Variants in RAB35 observed in about 807,000 individuals in gnomAD.
RAB35 encodes ras-related protein Rab-35.
A neutral mutation model predicts 28.9 loss-of-function variants in RAB35; 4 were observed. The observed-to-expected ratio is 0.14, with a 90% confidence interval of 0.07 to 0.32. The LOEUF is 0.32. Ranked by LOEUF, RAB35 falls within the 10% of genes least tolerant of loss-of-function variation. The pLI is 1.00. For missense variants in RAB35, 128 were observed against 274.0 expected, an observed-to-expected ratio of 0.47 and a Z score of 3.76; for synonymous variants, 99 against 105.1, an observed-to-expected ratio of 0.94 and a Z score of 0.35.
In RAB35 at chr12:120,097,092, G is replaced by A. The variant is rs1315931795; in HGVS notation, c.*153C>T. On this transcript the variant is annotated 3_prime_UTR_variant, in exon 6 of 6. Transcript: ENST00000229340. Reference sequence around the variant, plus strand: ...CCTTCTTGGCACTCGAGGAGGGCGGGGGAGGAAGTGCCGATGGCACCTCCC... The same window carrying A: ...CCTTCTTGGCACTCGAGGAGGGCGGAGGAGGAAGTGCCGATGGCACCTCCC... The A allele has an allele frequency of 6.4e-7, 1 of 1,573,554 alleles. No individual in the cohort carries two copies. The highest frequency in any genetic ancestry group is 2.3e-5 in the East Asian group (1 of 43,130).
At chr12:120,107,163 ATT>A (rs1225156950) in intron 2 of RAB35, among the ~76,000 whole-genome samples, 1 of 150,604 alleles carries the variant, frequency 6.6e-6, no homozygotes, top group Non-Finnish European at 1.5e-5. Context: ...TAATTTTTGT[ATT>A]TTTAGTAGAG....
rs1360543827 is a variant in RAB35, at chr12:120,096,951, A to C, written c.*294T>G. On this transcript the variant is annotated 3_prime_UTR_variant, in exon 6 of 6. Transcript: ENST00000229340. ...GGTGTGCGGCCGGGTAGAGCAATAT[A>C]CACTATGTACAGACTCTGCGAATCA... 2.1e-6 allele frequency: 3 copies of C among 1,405,690 alleles called. No individual in the cohort carries two copies. The highest frequency in any genetic ancestry group is 4.3e-5 in the Admixed American group (2 of 46,834). The allele number at this position is 1,405,690 out of a possible 1,614,324, so 87.1% of individuals were successfully genotyped here.
In RAB35 at chr12:120,103,961, G is replaced by C. The variant is rs1334540107; in HGVS notation, c.104-12C>G. ...GGTGATGTAGCTGCCTGCACACACA[G>C]GGCAGTTAACGAGGCCCAGCGCGGT... On this transcript the variant is annotated splice_polypyrimidine_tract_variant and intron_variant, in intron 2 of 5. Transcript: ENST00000229340. This position sits in a 1 kb window ranked among gnomAD's most constrained non-coding sequence, Gnocchi z 6.1. The C allele has an allele frequency of 6.8e-6, 11 of 1,613,742 alleles. No individual in the cohort carries two copies. Among genetic ancestry groups the C allele is most frequent in the South Asian group, 1.1e-5 (1 of 91,072 alleles).
At chr12:120,104,388 G>C (rs1875784380) in intron 2 of RAB35, among the ~76,000 whole-genome samples, 2 of 152,150 alleles carry the variant, frequency 1.3e-5, no homozygotes, top group African/African-American at 4.8e-5. Flanking sequence ...TAGGTCATGA[G>C]CTGCAGTCTG....
chr12:120,105,078 T>A (rs930747964), intron 2 of RAB35, among the ~76,000 whole-genome samples: 1 of 151,926 alleles, frequency 6.6e-6, no homozygotes, highest in Non-Finnish European at 1.5e-5. Context: ...ACACACACAA[T>A]TATGTGAAAT....
rs1011077768 is a variant in RAB35 at position 120,102,753 on chromosome 12, G to T, written c.227+1073C>A. ...AGGGGCAGCCAGCCTGGGGAGTGCC[G>T]GGCTTTCATGCTGTGGGAAGGAAGG... On this transcript the variant is annotated intron_variant, in intron 3 of 5. Coordinates refer to ENST00000229340, the MANE Select transcript of RAB35 (RefSeq NM_006861.7). 3.3e-5 allele frequency among the ~76,000 whole-genome samples: 5 copies of T among 152,156 alleles called. No homozygotes were observed. The East Asian group carries it at 9.6e-4, about 29-fold the overall frequency.
At chr12:120,107,530 C>A (rs1021791993) in intron 2 of RAB35, among the ~76,000 whole-genome samples, 1 of 152,090 alleles carries the variant, frequency 6.6e-6, no homozygotes, top group African/African-American at 2.4e-5. Flanking sequence ...AGTGCATACA[C>A]CCTGTAAGCC....
rs1875458869 is a variant in RAB35 at position 120,097,292 on chromosome 12, C to T, written c.559G>A (p.Val187Met). ...AKQQQQQQND[V>M]VKLTKNSKRK... ...TTACTGTTCTTCGTGAGCTTCACCA[C>T]ATCGTTCTGTTGTTGCTGCTGCTGT... The change falls in exon 6 of 6, where the codon GTG becomes ATG. Residue 187 changes from valine to methionine, a missense_variant. Transcript: ENST00000229340. The T allele has an allele frequency of 6.2e-7, 1 of 1,613,876 alleles. No individual in the cohort carries two copies. Among genetic ancestry groups the T allele is most frequent in the African/African-American group, 1.3e-5 (1 of 74,924 alleles).
At chr12:120,115,916 C>A (rs1297898365) in intron 1 of RAB35, among the ~76,000 whole-genome samples, 1 of 152,208 alleles carries the variant, frequency 6.6e-6, no homozygotes, top group Non-Finnish European at 1.5e-5. Context: ...GCAGATCCAA[C>A]TATCATTCCA....
Position 120,097,017 on chromosome 12 carries a change from T to A in RAB35, c.*228A>T. ...AGCGTCCTCGCCAGGTCCAGGCGCC[T>A]TGGCCGGGGAGGAGGGGGCACCAGT... On this transcript the variant is annotated 3_prime_UTR_variant, in exon 6 of 6. Coordinates refer to ENST00000229340, the MANE Select transcript of RAB35 (RefSeq NM_006861.7). The A allele has an allele frequency of 6.6e-7, 1 of 1,510,960 alleles. No individual in the cohort carries two copies. The highest frequency in any genetic ancestry group is 8.8e-7 in the Non-Finnish European group (1 of 1,131,276). The allele number at this position is 1,510,960 out of a possible 1,614,324, so 93.6% of individuals were successfully genotyped here.
intron 3 of RAB35, among the ~76,000 whole-genome samples, chr12:120,102,237 CA>C (rs1875688814): frequency 6.6e-6 from 1 of 152,214 alleles, no homozygotes; most frequent in Non-Finnish European, 1.5e-5. Flanking sequence ...CGGGATTAAC[CA>C]AAATAAAGCA....
At chr12:120,108,833 T>C (rs1875998145) in intron 1 of RAB35, 1 of 399,892 alleles carries the variant, frequency 2.5e-6, no homozygotes, top group Non-Finnish European at 4.8e-6. Context: ...GTCTACAACA[T>C]GGTCCCTAGA....
chr12:120,107,138 A>ACC (rs924793332), intron 2 of RAB35, among the ~76,000 whole-genome samples: 1 of 151,454 alleles, frequency 6.6e-6, no homozygotes, highest in African/African-American at 2.4e-5. Flanking sequence ...ATAGGTATGC[A>ACC]CCACCACGCC....
chr12:120,097,357 G>A lies in RAB35; in HGVS notation c.494C>T (p.Thr165Met). The change falls in exon 6 of 6, where the codon ACG becomes ATG. Residue 165 changes from threonine to methionine, a missense_variant. By Grantham distance (81) the Thr-to-Met change is moderately conservative. Transcript: ENST00000229340. ...VNVEEMFNCI[T>M]ELVLRAKKDN... ...TTTCTTTGCTCGGAGGACCAGCTCCGTGATGCAGTTGAACATCTGTGGAGA... is the reference window on the plus strand; with the variant it reads ...TTTCTTTGCTCGGAGGACCAGCTCCATGATGCAGTTGAACATCTGTGGAGA... 3 of 1,612,506 alleles carry A rather than the reference G, an allele frequency of 1.9e-6. No individual in the cohort carries two copies. The highest frequency in any genetic ancestry group is 2.5e-6 in the Non-Finnish European group (3 of 1,179,688).
At chr12:120,109,913 T>C (rs149065752) in intron 1 of RAB35, among the ~76,000 whole-genome samples, 165 of 152,326 alleles carry the variant, frequency 1.1e-3, no homozygotes, top group African/African-American at 3.4e-3. Context: ...GCCAAGTTAA[T>C]TGACCACAAA....
chr12:120,100,458 A>G (rs921700865), intron 3 of RAB35, among the ~76,000 whole-genome samples: 1 of 152,236 alleles, frequency 6.6e-6, no homozygotes, highest in East Asian at 1.9e-4. Context: ...GGGGAGCAGT[A>G]AACAGTCAGT....
chr12:120,100,448 G>A lies in RAB35; in HGVS notation c.228-1294C>T, dbSNP rs973148813. ...AGGAGCTAAGCATTACCCCAAGGCG[G>A]GGGAGCAGTAAACAGTCAGTATGCG... On this transcript the variant is annotated intron_variant, in intron 3 of 5. Transcript: ENST00000229340. Among the ~76,000 whole-genome samples, 8 of 152,358 alleles carry A rather than the reference G, an allele frequency of 5.3e-5. 1 individual carries two copies. The highest frequency in any genetic ancestry group is 5.2e-4 in the Admixed American group (8 of 15,304).
At position 120,096,642 on chromosome 12, in the gene RAB35, T is replaced by C. The variant is rs188990842; in HGVS notation, c.*603A>G. Reference sequence around the variant, plus strand: ...CTGCCTTGAGACCAGGTTCCCCAGCTCCCAGAATGGCTGTGGGGACAGGAC... The same window carrying C: ...CTGCCTTGAGACCAGGTTCCCCAGCCCCCAGAATGGCTGTGGGGACAGGAC... On this transcript the variant is annotated 3_prime_UTR_variant, in exon 6 of 6. Transcript: ENST00000229340. 10 of 1,289,722 alleles carry C rather than the reference T, an allele frequency of 7.8e-6. No individual in the cohort carries two copies. In the East Asian group the frequency reaches 5.5e-4, roughly 72 times the overall value. 79.9% of individuals were successfully genotyped at this position (1,289,722 alleles called of 1,614,324 possible).
intron 3 of RAB35, among the ~76,000 whole-genome samples, chr12:120,102,484 C>T (rs1206828650): frequency 3.9e-5 from 6 of 152,230 alleles, no homozygotes; most frequent in Admixed American, 2.6e-4. Context: ...CAGCACCACA[C>T]CAGGGCGACC....
Sources: allele counts gnomAD v4.1 joint callset (sites outside exome capture counted in the v4.1 genomes callset), GRCh38; gene constraint gnomAD v4.1.1; non-coding constraint Gnocchi (gnomAD v3.1); transcripts MANE v1.5; gene names NCBI Gene and HGNC (gene_info 2026-07-23, HGNC 2026-07-21).